DSC3: variants seen among roughly 807,000 people sequenced by gnomAD.
DSC3 encodes desmocollin-3.
DSC3 carries 97 observed loss-of-function variants against 89.5 expected under a neutral mutation model. The ratio of observed to expected loss-of-function variants is 1.08; its 90% CI spans 0.92 to 1.28. The LOEUF (loss-of-function observed/expected upper bound fraction) is 1.28, where lower values mean the gene tolerates loss of function less well. DSC3 is among the 50% of genes most tolerant of loss of function. The pLI, the probability that DSC3 is intolerant of heterozygous loss-of-function variation, is 0.00. For synonymous variants in DSC3, 436 were observed against 384.1 expected, an observed-to-expected ratio of 1.14 and a Z score of -1.58; for missense variants, 1,199 against 1,085.3, an observed-to-expected ratio of 1.10 and a Z score of -1.47.
chr18:31,033,419 T>C (rs1985867748), intron 1 of DSC3, among the ~76,000 whole-genome samples: 1 of 152,110 alleles, frequency 6.6e-6, no homozygotes, highest in Non-Finnish European at 1.5e-5. Context: ...AATAAATATA[T>C]AGATGAATGG....
chr18:31,039,641 A>C lies in DSC3; in HGVS notation c.69+2951T>G, dbSNP rs114722914. Among the ~76,000 whole-genome samples the C allele has an allele frequency of 3.2e-3, 494 of 152,306 alleles. 2 individuals carry two copies. The highest frequency in any genetic ancestry group is 0.012 in the African/African-American group (479 of 41,578). On this transcript the variant is annotated intron_variant, in intron 1 of 15. Transcript: ENST00000360428. ...AAACTCATTGTAAGATGGGAATTCC[A>C]GCTATCATACTTTCAGCGGAAAGTA...
chr18:31,012,651 A>G (rs981141337), intron 9 of DSC3, among the ~76,000 whole-genome samples: 16 of 152,248 alleles, frequency 1.1e-4, no homozygotes, highest in Non-Finnish European at 1.3e-4. Context: ...AAAGATAAAT[A>G]AATCTTTTAA....
chr18:31,014,972 A>G (rs753001434), intron 9 of DSC3, among the ~76,000 whole-genome samples: 2 of 152,128 alleles, frequency 1.3e-5, no homozygotes, highest in Non-Finnish European at 1.5e-5. Context: ...AGGGATAATA[A>G]CACCTTGTCA....
At chr18:31,032,589 T>TGC (rs1555634800) in intron 1 of DSC3, among the ~76,000 whole-genome samples, 16 of 112,672 alleles carry the variant, frequency 1.4e-4, no homozygotes, top group African/African-American at 2.7e-4. Flanking sequence ...TGTGTGTGTG[T>TGC]GCGTGTGCGT....
At chr18:31,032,095 T>C (rs1985808448) in intron 2 of DSC3, 97 bp downstream of exon 2, 3 of 828,342 alleles carry the variant, frequency 3.6e-6, no homozygotes, top group Admixed American at 1.9e-5. Flanking sequence ...TTTTAGTAGA[T>C]TCAGGCTAAC....
intron 9 of DSC3, among the ~76,000 whole-genome samples, chr18:31,010,177 G>C (rs73952547): frequency 1.3e-5 from 2 of 152,132 alleles, no homozygotes; most frequent in South Asian, 4.1e-4. Context: ...AGTCAAGAAA[G>C]TTTCTGAATC....
intron 7 of DSC3, among the ~76,000 whole-genome samples, chr18:31,020,021 C>T (rs1010885152): frequency 3.3e-5 from 5 of 152,050 alleles, no homozygotes; most frequent in Middle Eastern, 3.4e-3. Flanking sequence ...GAACGATTCT[C>T]GGAGGAAGTA....
chr18:30,996,676 A>C, intron 15 of DSC3, 115 bp downstream of exon 15: 1 of 1,248,034 alleles, frequency 8.0e-7, no homozygotes, highest in South Asian at 1.5e-5. Context: ...AAATGAACAG[A>C]GCAAGCAAGA....
At chr18:31,024,156 C>A (rs1985515622) in intron 6 of DSC3, among the ~76,000 whole-genome samples, 193 bp downstream of exon 6, 1 of 152,028 alleles carries the variant, frequency 6.6e-6, no homozygotes, top group Admixed American at 6.6e-5. Context: ...TTGACAATGA[C>A]AGAAACTTCT....
intron 5 of DSC3, 33 bp downstream of exon 5, chr18:31,025,727 A>G: frequency 6.2e-7 from 1 of 1,604,974 alleles, no homozygotes; most frequent in South Asian, 1.1e-5. Context: ...TAGTTTAATA[A>G]TTTAAAGTCA....
At chr18:31,042,308 C>T (rs1014335918) in intron 1 of DSC3, among the ~76,000 whole-genome samples, 2 of 152,210 alleles carry the variant, frequency 1.3e-5, no homozygotes, top group African/African-American at 4.8e-5. Context: ...GCCCAACCCG[C>T]GACGGCGCCC....
intron 1 of DSC3, among the ~76,000 whole-genome samples, chr18:31,040,713 T>G (rs1790665): frequency 0.39 from 58,764 of 151,850 alleles, 11,914 homozygotes; most frequent in East Asian, 0.69. Context: ...AAACAATGTT[T>G]TAAAGATAAG....
intron 9 of DSC3, among the ~76,000 whole-genome samples, chr18:31,012,764 A>G (rs1985113794): frequency 1.3e-5 from 2 of 152,284 alleles, no homozygotes; most frequent in African/African-American, 4.8e-5. Context: ...GATAGTAAAA[A>G]CTTAATAGCA....
intron 14 of DSC3, among the ~76,000 whole-genome samples, chr18:30,998,509 G>A (rs1409475331): frequency 6.6e-6 from 1 of 152,192 alleles, no homozygotes; most frequent in Non-Finnish European, 1.5e-5. Context: ...AGAGATTTGA[G>A]CTGGAGATAT....
At chr18:31,008,244 T>C (rs1984928116) in intron 10 of DSC3, 25 bp downstream of exon 10, 2 of 1,612,952 alleles carry the variant, frequency 1.2e-6, no homozygotes, top group Admixed American at 3.3e-5. Flanking sequence ...ACATTATTAG[T>C]ATGTGGTTAT....
At chr18:31,022,261 A>G in intron 7 of DSC3, 75 bp downstream of exon 7, 1 of 1,549,146 alleles carries the variant, frequency 6.5e-7, no homozygotes, top group East Asian at 2.2e-5. Context: ...AATCCACAGG[A>G]TAGCAAGTTA....
intron 1 of DSC3, among the ~76,000 whole-genome samples, chr18:31,035,653 G>A (rs923154708): frequency 4.6e-5 from 7 of 151,692 alleles, no homozygotes; most frequent in African/African-American, 1.7e-4. Context: ...AAATATCTCA[G>A]TTAACTGTGA....
At chr18:31,003,951 C>A (rs1567950780) in intron 13 of DSC3, among the ~76,000 whole-genome samples, 191 bp downstream of exon 13, 1 of 152,136 alleles carries the variant, frequency 6.6e-6, no homozygotes, top group Non-Finnish European at 1.5e-5. Flanking sequence ...AGCATAAAGT[C>A]TTTTATCTCA....
intron 3 of DSC3, 83 bp from the exon 4 acceptor site, chr18:31,029,711 C>A (rs1367239339): frequency 6.4e-7 from 1 of 1,561,776 alleles, no homozygotes; most frequent in Non-Finnish European, 8.8e-7. Context: ...GCTCATAAAC[C>A]TAATCCTTCT....
Sources: gnomAD v4.1 joint callset for allele counts (sites outside exome capture counted in the v4.1 genomes callset) on GRCh38, gnomAD v4.1.1 for gene constraint, MANE v1.5 for transcripts, NCBI Gene and HGNC (gene_info 2026-07-23, HGNC 2026-07-21) for gene names.